RTL9: variants seen among roughly 807,000 people sequenced by gnomAD.
RTL9 encodes retrotransposon Gag like 9.
A neutral mutation model predicts 44.7 loss-of-function variants in RTL9; 19 were observed. The ratio of observed to expected loss-of-function variants is 0.42; its 90% CI spans 0.30 to 0.62. RTL9 has a LOEUF of 0.62. Ranked by LOEUF, RTL9 falls within the 20% of genes least tolerant of loss-of-function variation. The probability of loss-of-function intolerance (pLI) is 0.16; values close to 1 mark genes in which losing one functional copy is unlikely to be tolerated. For missense variants in RTL9, 1,105 were observed against 1,080.6 expected, an observed-to-expected ratio of 1.02 and a Z score of -0.32; for synonymous variants, 407 against 398.9, an observed-to-expected ratio of 1.02 and a Z score of -0.24.
chrX:110,439,870 T>A (rs2068867108), intron 1 of RTL9: 1 of 110,810 alleles, frequency 9.0e-6, no homozygotes, highest in African/African-American at 3.3e-5. Context: ...AGCATGAGCA[T>A]GAGTAAGCCG....
intron 1 of RTL9, among the ~76,000 whole-genome samples, chrX:110,442,247 CTGTGTGTGTGTGTGTGTG>C (rs908737506): frequency 2.1e-5 from 2 of 97,034 alleles, no homozygotes; most frequent in Admixed American, 1.1e-4. Context: ...CTCTCTCTCT[CTGTGTGTGTGTGTGTGTG>C]TGTGTGTGTG....
exon 1 of RTL9, chrX:110,452,521 C>G (rs772046324): frequency 1.4e-5 from 17 of 1,209,740 alleles, no homozygotes; most frequent in Non-Finnish European, 1.7e-5. Context: ...ATGACAACCA[C>G]AGCTTCTGAA....
chrX:110,431,666 C>A (rs1488032006), intron 1 of RTL9, among the ~76,000 whole-genome samples: 2 of 111,501 alleles, frequency 1.8e-5, no homozygotes, highest in African/African-American at 6.5e-5. Context: ...CAGAAGGTTG[C>A]CCTGATGACT....
At chrX:110,419,478 G>A (rs2068702187) in intron 1 of RTL9, among the ~76,000 whole-genome samples, 1 of 112,271 alleles carries the variant, frequency 8.9e-6, no homozygotes, top group South Asian at 3.7e-4. Flanking sequence ...CCCATTTACT[G>A]CTCTGGGTAA....
chrX:110,450,487 T>C, upstream of RTL9: 2 of 542,001 alleles, frequency 3.7e-6, no homozygotes, highest in East Asian at 6.6e-5. Context: ...TAAAAACAGG[T>C]CTCCACCATG....
intron 1 of RTL9, among the ~76,000 whole-genome samples, chrX:110,405,094 C>G (rs868407925): frequency 1.5e-4 from 15 of 100,234 alleles, no homozygotes; most frequent in Non-Finnish European, 2.9e-4. Context: ...TGTGTCCCCC[C>G]CCCCCCCAAG....
chrX:110,446,890 G>A (rs184136891), upstream of RTL9, among the ~76,000 whole-genome samples: 665 of 111,364 alleles, frequency 6.0e-3, 3 homozygotes, highest in Middle Eastern at 0.028. Context: ...GTGACATTGG[G>A]AAAGCTAGTT....
At chrX:110,377,738 T>C (rs1345476198) in intron 1 of RTL9, among the ~76,000 whole-genome samples, 1 of 111,639 alleles carries the variant, frequency 9.0e-6, no homozygotes, top group Non-Finnish European at 1.9e-5. Context: ...TGAATTTTAA[T>C]ATCTACCTCC....
At chrX:110,445,444 T>C (rs2068903098) in intron 2 of RTL9, among the ~76,000 whole-genome samples, 176 bp downstream of exon 2, 1 of 111,633 alleles carries the variant, frequency 9.0e-6, no homozygotes, top group East Asian at 2.8e-4. Flanking sequence ...TTTCCCCCTC[T>C]TTATTTATAA....
chrX:110,407,933 T>C (rs1038413928), intron 1 of RTL9, among the ~76,000 whole-genome samples: 5 of 112,557 alleles, frequency 4.4e-5, no homozygotes, highest in Non-Finnish European at 7.5e-5. Flanking sequence ...CTACTGACTA[T>C]CAACGGCCTG....
chrX:110,390,891 T>G (rs2068489470), intron 1 of RTL9, among the ~76,000 whole-genome samples: 1 of 112,019 alleles, frequency 8.9e-6, no homozygotes, highest in African/African-American at 3.2e-5. Context: ...TATTTATTCT[T>G]GAACCAGCTT....
At chrX:110,377,597 G>C (rs2068386088) in intron 1 of RTL9, among the ~76,000 whole-genome samples, 1 of 112,062 alleles carries the variant, frequency 8.9e-6, no homozygotes, top group African/African-American at 3.2e-5. Flanking sequence ...CTCAGGACTG[G>C]TGGAACATTT....
At chrX:110,443,595 AGTTT>A (rs2068893930) in intron 1 of RTL9, among the ~76,000 whole-genome samples, 1 of 112,299 alleles carries the variant, frequency 8.9e-6, no homozygotes, top group Non-Finnish European at 1.9e-5. Context: ...AGAGGGCATT[AGTTT>A]GTTCTCTTCT....
chrX:110,378,269 T>C (rs1450731148), intron 1 of RTL9, among the ~76,000 whole-genome samples: 1 of 111,165 alleles, frequency 9.0e-6, no homozygotes, highest in Non-Finnish European at 1.9e-5. Flanking sequence ...TTTTAATAGA[T>C]GTTTATTTTC....
chrX:110,422,159 G>T (rs2068721805), intron 1 of RTL9, among the ~76,000 whole-genome samples: 1 of 112,896 alleles, frequency 8.9e-6, no homozygotes, highest in Admixed American at 9.3e-5. Context: ...GGTAGCTGTT[G>T]TCTCTTTTTC....
chrX:110,452,749 G>A (rs2068952296), exon 1 of RTL9: 1 of 1,210,224 alleles, frequency 8.3e-7, no homozygotes, highest in Non-Finnish European at 1.1e-6. Flanking sequence ...TCACTAATGA[G>A]AGCCAAAGTG....
At chrX:110,441,617 T>C (rs1382418069) in intron 1 of RTL9, among the ~76,000 whole-genome samples, 22 of 112,218 alleles carry the variant, frequency 2.0e-4, no homozygotes, top group Non-Finnish European at 2.8e-4. Context: ...ATAACATATA[T>C]ATCACACCTT....
At position 110,408,146 on chromosome X, in the gene RTL9, C is replaced by T. The variant is rs749169455; in HGVS notation, c.-167-37007C>T. Among the ~76,000 whole-genome samples, 258 of 112,663 alleles carry T rather than the reference C, an allele frequency of 2.3e-3. 1 individual carries two copies. The highest frequency in any genetic ancestry group is 7.3e-3 in the African/African-American group (227 of 31,028). On this transcript the variant is annotated intron_variant, in intron 1 of 2. Coordinates refer to the RTL9 transcript ENST00000520821. Reference sequence around the variant, plus strand: ...GCTTTGGTGAAAGCAGAAGTCCTGCCCAGCCTAGCTGAACTGAGCAGGAGC... The same window carrying T: ...GCTTTGGTGAAAGCAGAAGTCCTGCTCAGCCTAGCTGAACTGAGCAGGAGC...
chrX:110,398,606 T>C (rs749958601), intron 1 of RTL9, among the ~76,000 whole-genome samples: 5 of 111,851 alleles, frequency 4.5e-5, no homozygotes, highest in African/African-American at 1.6e-4. Flanking sequence ...CCCAAGGTCA[T>C]AGAACTAGGA....
Sources: gnomAD v4.1 joint callset for allele counts (sites outside exome capture counted in the v4.1 genomes callset) on GRCh38, gnomAD v4.1.1 for gene constraint, MANE v1.5 for transcripts, NCBI Gene and HGNC (gene_info 2026-07-23, HGNC 2026-07-21) for gene names.